The following HCN1 variants were observed in gnomAD, a reference collection of about 807,000 sequenced individuals.
HCN1 encodes potassium/sodium hyperpolarization-activated cyclic nucleotide-gated channel 1.
HCN1 carries 13 observed loss-of-function variants against 78.9 expected under a neutral mutation model. The observed-to-expected ratio is 0.16, with a 90% CI of 0.11 to 0.26. HCN1 has a LOEUF of 0.26. Among genes scored for constraint, HCN1 ranks in the 10% least tolerant of loss-of-function variants. The pLI is 1.00. For missense variants in HCN1, 810 were observed against 1,154.3 expected (o/e 0.70, Z 4.32); for synonymous variants, 552 against 455.5 (o/e 1.21, Z -2.70).
chr5:45,587,870 G>C (rs776773856), intron 2 of HCN1, among the ~76,000 whole-genome samples: 2 of 152,076 alleles, frequency 1.3e-5, no homozygotes, highest in Middle Eastern at 3.2e-3. Context: ...CATGAGGTTT[G>C]AGCTTTCCCA....
intron 6 of HCN1, among the ~76,000 whole-genome samples, chr5:45,273,304 T>A (rs1744994050): frequency 6.6e-6 from 1 of 151,372 alleles, no homozygotes; most frequent in South Asian, 2.1e-4. Flanking sequence ...CCTGGGAGAC[T>A]AGATTTGGCC....
intron 5 of HCN1, among the ~76,000 whole-genome samples, chr5:45,336,764 T>C (rs768105355): frequency 7.2e-5 from 11 of 152,028 alleles, no homozygotes; most frequent in Non-Finnish European, 1.5e-4. Flanking sequence ...GCAGACTTTG[T>C]CTAGTGAGGG....
At chr5:45,638,751 A>G (rs1208098954) in intron 2 of HCN1, among the ~76,000 whole-genome samples, 1 of 152,106 alleles carries the variant, frequency 6.6e-6, no homozygotes, top group Non-Finnish European at 1.5e-5. Context: ...ACAAATAGAA[A>G]AATTAGCCAG....
chr5:45,676,650 GAGAATATTTGCA>G (rs139554715), intron 1 of HCN1, among the ~76,000 whole-genome samples: 262 of 151,820 alleles, frequency 1.7e-3, no homozygotes, highest in African/African-American at 6.0e-3. Context: ...AAAATAACCA[GAGAATATTTGCA>G]GTCTCAAGAT....
intron 2 of HCN1, among the ~76,000 whole-genome samples, chr5:45,554,705 G>T (rs1038684069): frequency 4.0e-5 from 6 of 151,738 alleles, no homozygotes; most frequent in African/African-American, 9.7e-5. Flanking sequence ...GTCATATCGG[G>T]CAAGGAGTTA....
intron 2 of HCN1, among the ~76,000 whole-genome samples, chr5:45,469,537 C>G (rs985474849): frequency 2.0e-5 from 3 of 151,812 alleles, no homozygotes; most frequent in Non-Finnish European, 4.4e-5. Flanking sequence ...GATCTTTGAA[C>G]CTCATTTTAA....
At chr5:45,284,672 C>A (rs774225046) in intron 6 of HCN1, among the ~76,000 whole-genome samples, 1 of 152,006 alleles carries the variant, frequency 6.6e-6, no homozygotes, top group Non-Finnish European at 1.5e-5. Flanking sequence ...ATTTCCCAGC[C>A]GGGAGCTGGT....
chr5:45,267,008 T>G (rs964950149), intron 7 of HCN1, 81 bp downstream of exon 7: 19 of 1,199,932 alleles, frequency 1.6e-5, no homozygotes, highest in Admixed American at 3.4e-5. Flanking sequence ...CACTCCCCAC[T>G]GCATTTGGGA....
At chr5:45,403,278 C>T (rs1378597063) in intron 3 of HCN1, among the ~76,000 whole-genome samples, 1 of 152,148 alleles carries the variant, frequency 6.6e-6, no homozygotes. Context: ...GACATCCTAA[C>T]CCCTCCTCCA....
chr5:45,263,526 T>G (rs6885653), intron 7 of HCN1, among the ~76,000 whole-genome samples: 2,876 of 152,294 alleles, frequency 0.019, 90 homozygotes, highest in African/African-American at 0.066. Flanking sequence ...AGATGTTGCA[T>G]TTTACTAAGA....
chr5:45,622,161 G>A (rs571367908), intron 2 of HCN1, among the ~76,000 whole-genome samples: 13 of 151,846 alleles, frequency 8.6e-5, no homozygotes, highest in Non-Finnish European at 1.5e-4. Flanking sequence ...GGCCGAGATC[G>A]CGCCACTGCA....
chr5:45,315,180 C>A (rs1745955221), intron 5 of HCN1, among the ~76,000 whole-genome samples: 1 of 152,138 alleles, frequency 6.6e-6, no homozygotes, highest in Non-Finnish European at 1.5e-5. Flanking sequence ...CTCTCCTCAG[C>A]AAATGTAAAA....
At chr5:45,683,703 G>A (rs1739749968) in intron 1 of HCN1, among the ~76,000 whole-genome samples, 1 of 148,248 alleles carries the variant, frequency 6.7e-6, no homozygotes. Context: ...GTTTCACTTT[G>A]TCATTTAGCC....
At chr5:45,345,453 C>A (rs985509837) in intron 5 of HCN1, among the ~76,000 whole-genome samples, 25 of 152,186 alleles carry the variant, frequency 1.6e-4, no homozygotes, top group Admixed American at 6.5e-5. Flanking sequence ...ACTACATGGT[C>A]ACGCTGCAAA....
chr5:45,540,069 AC>A (rs1185956343), intron 2 of HCN1, among the ~76,000 whole-genome samples: 3 of 151,108 alleles, frequency 2.0e-5, no homozygotes, highest in African/African-American at 7.3e-5. Flanking sequence ...GCTGTAAAAA[AC>A]ATCTTTGCAA....
intron 6 of HCN1, among the ~76,000 whole-genome samples, chr5:45,298,566 A>G (rs759038641): frequency 7.9e-5 from 12 of 152,096 alleles, no homozygotes. Context: ...GAGCAACAGA[A>G]TTAATAAAGT....
Position 45,356,630 on chromosome 5 carries a change from G to T in HCN1, c.1231-3384C>A, listed in dbSNP as rs560322203. Among the ~76,000 whole-genome samples, 4 of 151,988 alleles carry T rather than the reference G, an allele frequency of 2.6e-5. No individual in the cohort carries two copies. In the East Asian group the frequency reaches 5.8e-4, roughly 22 times the overall value. On this transcript the variant is annotated intron_variant, in intron 4 of 7. Transcript: ENST00000303230. ...AGTACCCCAAATCTTCCTTTCTCAT[G>T]CTATAGCTGTGTCACTAGTGTTAAT... is the stretch of plus-strand genomic sequence containing the variant.
intron 2 of HCN1, among the ~76,000 whole-genome samples, chr5:45,612,912 T>C (rs1744866962): frequency 1.3e-5 from 2 of 152,168 alleles, no homozygotes; most frequent in Non-Finnish European, 2.9e-5. Context: ...AAGATGCATA[T>C]TTATATTTTA....
intron 6 of HCN1, among the ~76,000 whole-genome samples, chr5:45,267,596 C>T (rs1313697322): frequency 2.6e-5 from 4 of 151,928 alleles, no homozygotes; most frequent in East Asian, 1.9e-4. Flanking sequence ...GGTGAAACCC[C>T]GTCTCTACTA....
Sources: allele counts gnomAD v4.1 joint callset (sites outside exome capture counted in the v4.1 genomes callset), GRCh38; gene constraint gnomAD v4.1.1; transcripts MANE v1.5; gene names NCBI Gene and HGNC (gene_info 2026-07-23, HGNC 2026-07-21).